FYB2: variants seen among roughly 807,000 people sequenced by gnomAD.
The protein encoded by FYB2 is FYN binding protein 2.
A neutral mutation model predicts 94.1 loss-of-function variants in FYB2; 103 were observed. That is an observed-to-expected ratio of 1.09 (90% confidence interval 0.93 to 1.29). The LOEUF is 1.29. Among genes scored for constraint, FYB2 ranks in the 50% most tolerant of loss-of-function variants. The pLI, the probability that FYB2 is intolerant of heterozygous loss-of-function variation, is 0.00. For missense variants in FYB2, 896 were observed against 841.5 expected, an observed-to-expected ratio of 1.06 and a Z score of -0.80; for synonymous variants, 293 against 287.9, an observed-to-expected ratio of 1.02 and a Z score of -0.18.
At chr1:56,735,481 A>G (rs1465851291) in intron 15 of FYB2, among the ~76,000 whole-genome samples, 1 of 152,134 alleles carries the variant, frequency 6.6e-6, no homozygotes, top group African/African-American at 2.4e-5. Flanking sequence ...GAGAGAGATT[A>G]GTTCAGGATA....
At chr1:56,734,444 A>G (rs1432297355) in intron 15 of FYB2, among the ~76,000 whole-genome samples, 1 of 152,160 alleles carries the variant, frequency 6.6e-6, no homozygotes, top group East Asian at 1.9e-4. Context: ...CTGGATTAAG[A>G]AAACATGGCA....
intron 6 of FYB2, 66 bp downstream of exon 6, chr1:56,758,650 A>C: frequency 7.9e-7 from 1 of 1,263,274 alleles, no homozygotes; most frequent in Non-Finnish European, 1.1e-6. Context: ...AAAAGATACT[A>C]CTTTAGAATC....
At chr1:56,770,294 C>T (rs1016226313) in intron 4 of FYB2, among the ~76,000 whole-genome samples, 5 of 152,162 alleles carry the variant, frequency 3.3e-5, no homozygotes, top group African/African-American at 9.7e-5. Context: ...CACACCTCCA[C>T]TCTTCCCTGT....
At chr1:56,796,685 C>T (rs1646406535) in intron 1 of FYB2, among the ~76,000 whole-genome samples, 1 of 152,198 alleles carries the variant, frequency 6.6e-6, no homozygotes, top group African/African-American at 2.4e-5. Context: ...CCTCTTAATG[C>T]TCCAACGTCA....
chr1:56,767,727 CT>C, intron 5 of FYB2, 101 bp downstream of exon 5: 1 of 831,754 alleles, frequency 1.2e-6, no homozygotes, highest in Non-Finnish European at 2.0e-6. Flanking sequence ...TGCAGGATGG[CT>C]GTGCATTTTT....
chr1:56,792,989 G>A (rs1273067091), intron 1 of FYB2, among the ~76,000 whole-genome samples, 186 bp from the exon 2 acceptor site: 1 of 152,084 alleles, frequency 6.6e-6, no homozygotes, highest in Non-Finnish European at 1.5e-5. Context: ...AGCCAGCAAT[G>A]CTATTGTCTA....
At chr1:56,788,226 T>A (rs1163317058) in intron 3 of FYB2, among the ~76,000 whole-genome samples, 1 of 152,218 alleles carries the variant, frequency 6.6e-6, no homozygotes, top group African/African-American at 2.4e-5. Context: ...GCAGTTAAAA[T>A]GAACAAAGAC....
chr1:56,796,694 C>T (rs1368367712), intron 1 of FYB2, among the ~76,000 whole-genome samples: 2 of 152,170 alleles, frequency 1.3e-5, no homozygotes, highest in East Asian at 3.9e-4. Flanking sequence ...GCTCCAACGT[C>T]ACATTGGGCC....
At chr1:56,814,150 G>A (rs1646827900) in intron 1 of FYB2, among the ~76,000 whole-genome samples, 1 of 152,212 alleles carries the variant, frequency 6.6e-6, no homozygotes, top group Non-Finnish European at 1.5e-5. Context: ...CTGAAGAAGA[G>A]AATGTGCATG....
chr1:56,788,410 G>A (rs1374573887), intron 3 of FYB2, among the ~76,000 whole-genome samples: 1 of 152,140 alleles, frequency 6.6e-6, no homozygotes. Flanking sequence ...TGGTGGGAGT[G>A]GTGAGGGATG....
intron 1 of FYB2, among the ~76,000 whole-genome samples, chr1:56,801,171 G>T (rs1331840030): frequency 6.6e-6 from 1 of 152,064 alleles, no homozygotes; most frequent in Middle Eastern, 3.4e-3. Context: ...GCTCTAACTC[G>T]AACTCATCTC....
chr1:56,801,701 C>T (rs1570214369), intron 1 of FYB2, among the ~76,000 whole-genome samples: 1 of 152,274 alleles, frequency 6.6e-6, no homozygotes, highest in South Asian at 2.1e-4. Flanking sequence ...AATGCATTAG[C>T]CTCATGGGCC....
Position 56,787,317 on chromosome 1 carries a change from C to T in FYB2, c.920-109G>A, listed in dbSNP as rs909967715. On this transcript the variant is annotated intron_variant, in intron 3 of 19. Transcript: ENST00000343433. Reference sequence around the variant, plus strand: ...CCACAGATAATGTGGAGAGTGGAAGCTTGCCTGTGCCTGAAACATCCCTTA... The same window carrying T: ...CCACAGATAATGTGGAGAGTGGAAGTTTGCCTGTGCCTGAAACATCCCTTA... The T allele has an allele frequency of 1.2e-5, 16 of 1,371,548 alleles. No individual in the cohort carries two copies. In the African/African-American group the frequency reaches 1.9e-4, roughly 16 times the overall value. The allele number at this position is 1,371,548 out of a possible 1,614,324, so 85.0% of individuals were successfully genotyped here. A position where few individuals can be genotyped will look rare whatever the true frequency, so the allele number is the denominator to read the frequency against.
intron 4 of FYB2, among the ~76,000 whole-genome samples, chr1:56,782,234 A>G (rs1646025550): frequency 6.6e-6 from 1 of 152,100 alleles, no homozygotes; most frequent in African/African-American, 2.4e-5. Flanking sequence ...GTTTAATTGT[A>G]CCCATTAATC....
chr1:56,747,959 G>C (rs1261260156), intron 9 of FYB2, among the ~76,000 whole-genome samples: 2 of 152,162 alleles, frequency 1.3e-5, no homozygotes, highest in Non-Finnish European at 2.9e-5. Flanking sequence ...GCGTGAGATG[G>C]TATCTCATTG....
upstream of FYB2, among the ~76,000 whole-genome samples, chr1:56,823,463 C>T (rs1647004888): frequency 6.6e-6 from 1 of 152,102 alleles, no homozygotes; most frequent in Non-Finnish European, 1.5e-5. Context: ...GATAAAATGC[C>T]TAGAATTATC....
At chr1:56,786,232 A>G (rs1175977428) in intron 4 of FYB2, among the ~76,000 whole-genome samples, 6 of 152,222 alleles carry the variant, frequency 3.9e-5, no homozygotes, top group Admixed American at 3.3e-4. Context: ...AGCTGACCCC[A>G]GCCCAGATCA....
chr1:56,746,895 A>C (rs1024766483), intron 9 of FYB2, among the ~76,000 whole-genome samples: 1 of 152,036 alleles, frequency 6.6e-6, no homozygotes, highest in Non-Finnish European at 1.5e-5. Flanking sequence ...TGGTTGTCCC[A>C]GCTTACAATC....
In FYB2 at chr1:56,792,588, T is replaced by A; in HGVS notation, c.225A>T (p.Gln75His). ...YCSSSESQPL[Q>H]PQKIKLAQKS... ...TCTGAGCCAACTTTATTTTCTGAGG[T>A]TGAAGAGGCTGGGACTCACTACTGG... The change falls in exon 2 of 20, where the codon CAA (glutamine) becomes CAT (histidine). Residue 75 changes from glutamine to histidine, a missense_variant. Coordinates refer to ENST00000343433, the MANE Select transcript of FYB2 (RefSeq NM_001004303.5). The A allele has an allele frequency of 6.2e-7, 1 of 1,614,108 alleles. No individual in the cohort carries two copies. The highest frequency in any genetic ancestry group is 8.5e-7 in the Non-Finnish European group (1 of 1,179,998).
Sources: allele counts gnomAD v4.1 joint callset (sites outside exome capture counted in the v4.1 genomes callset), GRCh38; gene constraint gnomAD v4.1.1; transcripts MANE v1.5; gene names NCBI Gene and HGNC (gene_info 2026-07-23, HGNC 2026-07-21).